The following TMEM80 variants were observed in gnomAD, a reference collection of about 807,000 sequenced individuals.
TMEM80 encodes the protein transmembrane protein 80.
Under a neutral mutation model 13.6 loss-of-function variants are expected in TMEM80, and 16 were observed. The ratio of observed to expected loss-of-function variants is 1.17; its 90% CI spans 0.79 to 1.78. TMEM80 has a LOEUF of 1.78. Among genes scored for constraint, TMEM80 ranks in the 40% most tolerant of loss-of-function variants. TMEM80 has a pLI of 0.00. For synonymous variants in TMEM80, 92 were observed against 89.5 expected (o/e 1.03, Z -0.16); for missense variants, 167 against 184.6 (o/e 0.90, Z 0.55).
At position 703,440 on chromosome 11, in the gene TMEM80, G is replaced by C; in HGVS notation, c.*290G>C. 7.8e-7 allele frequency: 1 copy of C among 1,288,244 alleles called. No individual in the cohort carries two copies. Among genetic ancestry groups the C allele is most frequent in the Non-Finnish European group, 9.8e-7 (1 of 1,021,128 alleles). 79.8% of individuals were successfully genotyped at this position (1,288,244 alleles called of 1,614,324 possible). On this transcript the variant is annotated 3_prime_UTR_variant, in exon 5 of 5. Transcript: ENST00000397510. ...CACTCAGCCCTGTCAGTGGGGTCTG[G>C]CTTTAGCAGCCAGGCCTCCACAGAC...
intron 1 of TMEM80, among the ~76,000 whole-genome samples, chr11:698,545 C>G (rs530721076): frequency 2.6e-5 from 4 of 152,310 alleles, no homozygotes; most frequent in African/African-American, 7.2e-5. Context: ...ACAATGAGAG[C>G]AGCTGTTGGG....
chr11:704,578 C>T (rs1861637700), downstream of TMEM80: 2 of 1,286,312 alleles, frequency 1.6e-6, no homozygotes, highest in African/African-American at 3.0e-5. Context: ...GAGGACCCAG[C>T]CCACAAACCA....
At chr11:702,172 A>C (rs942370416) in intron 4 of TMEM80, among the ~76,000 whole-genome samples, 7 of 152,102 alleles carry the variant, frequency 4.6e-5, no homozygotes, top group African/African-American at 1.7e-4. Flanking sequence ...CCTCAGACAC[A>C]CTAGGAGGAT....
upstream of TMEM80, chr11:695,778 G>T: frequency 8.1e-7 from 1 of 1,237,398 alleles, no homozygotes; most frequent in Non-Finnish European, 1.0e-6. Context: ...CGAGCGCGCG[G>T]GCCGAGAGGC....
intron 1 of TMEM80, among the ~76,000 whole-genome samples, chr11:696,254 A>G (rs1861151783): frequency 6.6e-6 from 1 of 151,938 alleles, no homozygotes; most frequent in African/African-American, 2.4e-5. Flanking sequence ...CTCGCCTCCG[A>G]GAGGAGGAAG....
chr11:700,993 G>C, intron 4 of TMEM80: 1 of 484,400 alleles, frequency 2.1e-6, no homozygotes. Context: ...GAAAAGCCCA[G>C]CCCACCACCA....
chr11:698,726 G>A (rs1861310024), intron 1 of TMEM80, 143 bp from the exon 2 acceptor site: 1 of 944,348 alleles, frequency 1.1e-6, no homozygotes, highest in South Asian at 1.4e-5. Context: ...CTAGTGGCAG[G>A]CCCACGGTAT....
Position 704,076 on chromosome 11 carries a change from A to G in TMEM80, c.*926A>G. On this transcript the variant is annotated 3_prime_UTR_variant, in exon 5 of 5. Coordinates refer to ENST00000397510, the MANE Select transcript of TMEM80 (RefSeq NM_001042463.3). Reference sequence around the variant, plus strand: ...GGAATAATTACACCCAAATATCTAGATATTTTCTCTTCACCGCATTTTGTA... The same window carrying G: ...GGAATAATTACACCCAAATATCTAGGTATTTTCTCTTCACCGCATTTTGTA... The G allele has an allele frequency of 3.5e-6, 4 of 1,129,300 alleles. No individual in the cohort carries two copies. The highest frequency in any genetic ancestry group is 4.4e-6 in the Non-Finnish European group (4 of 919,514). 70.0% of individuals were successfully genotyped at this position (1,129,300 alleles called of 1,614,324 possible). A position where few individuals can be genotyped will look rare whatever the true frequency, so the allele number is the denominator to read the frequency against.
At chr11:697,692 G>C (rs1474590828) in intron 1 of TMEM80, 1 of 152,210 alleles carries the variant, frequency 6.6e-6, no homozygotes, top group Non-Finnish European at 1.5e-5. Context: ...ATAATGACAG[G>C]TATTTAGGTG....
At chr11:704,491 G>T (rs191116432), downstream of TMEM80, 32 of 1,289,434 alleles carry the variant, frequency 2.5e-5, no homozygotes, top group African/African-American at 3.8e-4. Flanking sequence ...TCACACACCA[G>T]CGCCTGAGCG....
chr11:698,775 A>G lies in TMEM80; in HGVS notation c.20-94A>G. 2.1e-6 allele frequency: 3 copies of G among 1,452,276 alleles called. No individual in the cohort carries two copies. In the Admixed American group the frequency reaches 5.0e-5, roughly 24 times the overall value. The allele number at this position is 1,452,276 out of a possible 1,614,324, so 90.0% of individuals were successfully genotyped here. On this transcript the variant is annotated intron_variant, in intron 1 of 4. Coordinates refer to ENST00000397510, the MANE Select transcript of TMEM80 (RefSeq NM_001042463.3). ...TCTACAAATACGAGATCAAAGGAAA[A>G]TAAAGCAGGGGTGGTTCCTGTCAGT...
chr11:695,970 G>A, intron 1 of TMEM80, 124 bp downstream of exon 1: 1 of 786,418 alleles, frequency 1.3e-6, no homozygotes, highest in Non-Finnish European at 1.7e-6. Context: ...CTACGTGAGC[G>A]AGACAGCTCC....
chr11:699,027 G>A, intron 2 of TMEM80, 139 bp downstream of exon 2: 5 of 994,362 alleles, frequency 5.0e-6, no homozygotes, highest in Non-Finnish European at 6.3e-6. Flanking sequence ...TTCCTTGACA[G>A]ATTTAGAGAG....
At chr11:699,005 G>T in intron 2 of TMEM80, 117 bp downstream of exon 2, 2 of 1,233,626 alleles carry the variant, frequency 1.6e-6, no homozygotes, top group South Asian at 1.2e-5. Flanking sequence ...TTCCACTTTG[G>T]AGAGGGGGGT....
At chr11:700,306 C>T in intron 3 of TMEM80, 71 bp downstream of exon 3, 1 of 1,370,830 alleles carries the variant, frequency 7.3e-7, no homozygotes, top group Non-Finnish European at 1.0e-6. Context: ...GTGGGCGGAT[C>T]ACTTGAGGTC....
intron 1 of TMEM80, among the ~76,000 whole-genome samples, chr11:696,658 C>G (rs1475594034): frequency 1.0e-4 from 1 of 10,012 alleles, no homozygotes; most frequent in African/African-American, 2.4e-4. Flanking sequence ...CCAAGCTATT[C>G]TGGAGGCTGA....
At position 703,187 on chromosome 11, in the gene TMEM80, C is replaced by T; in HGVS notation, c.*37C>T. On this transcript the variant is annotated 3_prime_UTR_variant, in exon 5 of 5. Coordinates refer to ENST00000397510, the MANE Select transcript of TMEM80 (RefSeq NM_001042463.3). ...CGGGATACCCCACACTGGGGCCCTC[C>T]TCCTGGGCCTGACCAGTCCCCCAGC... 6.4e-7 allele frequency: 1 copy of T among 1,566,732 alleles called. No homozygotes were observed. Among genetic ancestry groups the T allele is most frequent in the Admixed American group, 1.8e-5 (1 of 55,864 alleles).
chr11:701,476 A>T (rs556223278), intron 4 of TMEM80, among the ~76,000 whole-genome samples: 42 of 143,602 alleles, frequency 2.9e-4, no homozygotes, highest in Non-Finnish European at 5.2e-4. Flanking sequence ...AGTGGCGTGA[A>T]CTTGGCTCAC....
At position 698,832 on chromosome 11, in the gene TMEM80, G is replaced by T. The variant is rs748111244; in HGVS notation, c.20-37G>T. 5.6e-6 allele frequency: 9 copies of T among 1,613,752 alleles called. No individual in the cohort carries two copies. The African/African-American group carries it at 1.2e-4, about 22-fold the overall frequency. ...CGAGACCCGGGAAAGCATCCTGGTG[G>T]CTGTCAGGCCTTGCTCACGGCCCCT... On this transcript the variant is annotated intron_variant, in intron 1 of 4. Coordinates refer to ENST00000397510, the MANE Select transcript of TMEM80 (RefSeq NM_001042463.3).
Sources: allele counts gnomAD v4.1 joint callset (sites outside exome capture counted in the v4.1 genomes callset), GRCh38; gene constraint gnomAD v4.1.1; transcripts MANE v1.5; gene names NCBI Gene and HGNC (gene_info 2026-07-23, HGNC 2026-07-21).